Variants in CDH7 observed in about 807,000 individuals in gnomAD.
CDH7 encodes the protein cadherin 7.
CDH7 carries 25 observed loss-of-function variants against 71.8 expected under a neutral mutation model. That is an observed-to-expected ratio of 0.35 (90% CI 0.25 to 0.49). The LOEUF is 0.49. CDH7 is among the 20% of genes least tolerant of loss of function. The pLI, the probability that CDH7 is intolerant of heterozygous loss-of-function variation, is 0.99. For missense variants in CDH7, 862 were observed against 974.6 expected, an observed-to-expected ratio of 0.88 and a Z score of 1.54; for synonymous variants, 381 against 363.8, an observed-to-expected ratio of 1.05 and a Z score of -0.54.
intron 6 of CDH7, among the ~76,000 whole-genome samples, chr18:65,830,147 CGG>C (rs1568208801): frequency 6.6e-6 from 1 of 152,044 alleles, no homozygotes; most frequent in Admixed American, 6.5e-5. Flanking sequence ...CAGAAAGAAC[CGG>C]GGCAATTTCT....
chr18:65,784,289 G>C (rs1910430509), intron 2 of CDH7, among the ~76,000 whole-genome samples: 1 of 152,022 alleles, frequency 6.6e-6, no homozygotes, highest in Admixed American at 6.6e-5. Flanking sequence ...TTCACCTGAA[G>C]TGATATTTTT....
chr18:65,810,015 C>T lies in CDH7; in HGVS notation c.505+17C>T, dbSNP rs771932437. 3 of 1,593,320 alleles carry T rather than the reference C, an allele frequency of 1.9e-6. No individual in the cohort carries two copies. The highest frequency in any genetic ancestry group is 1.7e-6 in the Non-Finnish European group (2 of 1,163,586). On this transcript the variant is annotated intron_variant, in intron 3 of 11. Coordinates refer to ENST00000397968, the MANE Select transcript of CDH7 (RefSeq NM_004361.5). The stretch of plus-strand genomic sequence containing the variant: ...CTCCCGTGGGTAAGTAAAGAACACT[C>T]TGCTTTTGTAGCTTGTGGCCGATTT...
intron 7 of CDH7, among the ~76,000 whole-genome samples, chr18:65,854,770 G>A (rs752321835): frequency 5.3e-5 from 8 of 152,112 alleles, no homozygotes; most frequent in African/African-American, 7.2e-5. Flanking sequence ...ATGCATGAAT[G>A]TATGGGTTAT....
chr18:65,823,114 C>A (rs11151217), intron 5 of CDH7, among the ~76,000 whole-genome samples: 132,893 of 151,806 alleles, frequency 0.88, 59,428 homozygotes, highest in East Asian at 0.99. Flanking sequence ...AAAAACGAAC[C>A]TTTCTGAGCA....
intron 2 of CDH7, among the ~76,000 whole-genome samples, chr18:65,806,046 G>A (rs1238529583): frequency 2.6e-5 from 4 of 152,138 alleles, no homozygotes; most frequent in East Asian, 1.9e-4. Context: ...CTATCAAGCA[G>A]GGCCTGATGG....
intron 6 of CDH7, among the ~76,000 whole-genome samples, chr18:65,832,474 A>G (rs973745825): frequency 2.0e-5 from 3 of 152,106 alleles, no homozygotes; most frequent in Admixed American, 2.0e-4. Flanking sequence ...CAGAATCCAC[A>G]AGGCTAAAGA....
rs567467002 is a variant in CDH7 at position 65,774,582 on chromosome 18, A to G, written c.210+11530A>G. Among the ~76,000 whole-genome samples the G allele has an allele frequency of 3.1e-4, 47 of 152,118 alleles. 1 individual carries two copies. The highest frequency in any genetic ancestry group is 1.1e-3 in the African/African-American group (46 of 41,492). ...GGGGGCCTGACACTTCATTTTCCATATGGTACTGAATCTGTTGTACCTGAG... is the reference window on the plus strand; with the variant it reads ...GGGGGCCTGACACTTCATTTTCCATGTGGTACTGAATCTGTTGTACCTGAG... On this transcript the variant is annotated intron_variant, in intron 2 of 11. Coordinates refer to ENST00000397968, the MANE Select transcript of CDH7 (RefSeq NM_004361.5).
At chr18:65,777,509 A>T (rs1909993756) in intron 2 of CDH7, among the ~76,000 whole-genome samples, 1 of 151,920 alleles carries the variant, frequency 6.6e-6, no homozygotes, top group Admixed American at 6.6e-5. Context: ...AAATGGATAT[A>T]TTTATGTTTT....
chr18:65,848,583 G>A (rs1305878380), intron 7 of CDH7, among the ~76,000 whole-genome samples: 1 of 151,988 alleles, frequency 6.6e-6, no homozygotes, highest in Non-Finnish European at 1.5e-5. Flanking sequence ...GTACATTTAT[G>A]TTTTATTTGG....
rs1384337152 is a variant in CDH7, at chr18:65,884,458, G to A, written c.*3564G>A. The A allele has an allele frequency of 6.6e-6, 1 of 152,094 alleles. No homozygotes were observed. Among genetic ancestry groups the A allele is most frequent in the Admixed American group, 6.5e-5 (1 of 15,270 alleles). 9.4% of individuals were successfully genotyped at this position (152,094 alleles called of 1,614,324 possible). A position where few individuals can be genotyped will look rare whatever the true frequency, so the allele number is the denominator to read the frequency against. ...AGTTGTCTACAAGATACATGCAGGA[G>A]GTAGTAGTGGTTAAGTAATGGTAGC... On this transcript the variant is annotated 3_prime_UTR_variant, in exon 12 of 12. Coordinates refer to ENST00000397968, the MANE Select transcript of CDH7 (RefSeq NM_004361.5).
intron 2 of CDH7, among the ~76,000 whole-genome samples, chr18:65,783,245 G>A (rs1017521892): frequency 1.1e-4 from 16 of 152,102 alleles, no homozygotes; most frequent in African/African-American, 3.4e-4. Context: ...ATTAGATAAT[G>A]AATCCAACCA....
In CDH7 at chr18:65,822,181, G is replaced by C. The variant is rs1395023143; in HGVS notation, c.726G>C (p.Leu242=). 1.2e-6 allele frequency: 2 copies of C among 1,613,196 alleles called. No homozygotes were observed. The highest frequency in any genetic ancestry group is 1.3e-5 in the African/African-American group (1 of 74,888). ...ATATGGTTGGTCAAAATGGAGGACT[G>C]TCAGGAACTACATCAGTCACTGTGA... ...AKDMVGQNGG[L]SGTTSVTVTL... Residue 242 remains leucine (L), a synonymous_variant, in exon 5 of 12, where the codon CTG becomes CTC. Transcript: ENST00000397968.
At chr18:65,857,466 C>T (rs1256603172) in intron 7 of CDH7, among the ~76,000 whole-genome samples, 4 of 151,260 alleles carry the variant, frequency 2.6e-5, no homozygotes, top group African/African-American at 9.7e-5. Context: ...GTGATCCACT[C>T]CACCCCAGCC....
At chr18:65,783,542 C>T (rs1181671329) in intron 2 of CDH7, among the ~76,000 whole-genome samples, 2 of 152,116 alleles carry the variant, frequency 1.3e-5, no homozygotes, top group Non-Finnish European at 2.9e-5. Flanking sequence ...ATGAATACCA[C>T]ATTAGTCAGG....
intron 2 of CDH7, among the ~76,000 whole-genome samples, chr18:65,777,145 CT>C (rs1317111189): frequency 6.6e-6 from 1 of 152,070 alleles, no homozygotes; most frequent in Non-Finnish European, 1.5e-5. Context: ...TTTTTCTCTT[CT>C]TTTCACAAAT....
chr18:65,861,107 C>T (rs1452842057), intron 10 of CDH7, among the ~76,000 whole-genome samples: 11 of 152,140 alleles, frequency 7.2e-5, no homozygotes, highest in African/African-American at 2.2e-4. Flanking sequence ...CTGTACAGCA[C>T]GTGCACTAAA....
At chr18:65,876,643 C>T (rs8087953) in intron 11 of CDH7, among the ~76,000 whole-genome samples, 8,891 of 152,236 alleles carry the variant, frequency 0.058, 317 homozygotes, top group Middle Eastern at 0.078. Context: ...ATCTATTTCC[C>T]CTAGTACACT....
chr18:65,859,562 G>A (rs2144031736), intron 9 of CDH7, 146 bp from the exon 10 acceptor site: 1 of 586,576 alleles, frequency 1.7e-6, no homozygotes, highest in Non-Finnish European at 3.1e-6. Context: ...TTTAGATTGG[G>A]TTCATAATAA....
At chr18:65,815,778 C>G (rs1159276252) in intron 4 of CDH7, among the ~76,000 whole-genome samples, 1 of 152,110 alleles carries the variant, frequency 6.6e-6, no homozygotes, top group Non-Finnish European at 1.5e-5. Context: ...GATATGAATC[C>G]TGTGAATGTG....
Sources: gnomAD v4.1 joint callset for allele counts (sites outside exome capture counted in the v4.1 genomes callset) on GRCh38, gnomAD v4.1.1 for gene constraint, MANE v1.5 for transcripts, NCBI Gene and HGNC (gene_info 2026-07-23, HGNC 2026-07-21) for gene names.